Variants in NXN observed in about 807,000 individuals in gnomAD.
NXN encodes the protein nucleoredoxin 1.
NXN carries 16 observed loss-of-function variants against 48.6 expected under a neutral mutation model. The observed-to-expected ratio is 0.33, with a 90% CI of 0.22 to 0.50. The LOEUF (loss-of-function observed/expected upper bound fraction) is 0.50. Among genes scored for constraint, NXN ranks in the 20% least tolerant of loss-of-function variants. The pLI, the probability that NXN is intolerant of heterozygous loss-of-function variation, is 0.98. For missense variants in NXN, 492 were observed against 605.5 expected, an observed-to-expected ratio of 0.81 and a Z score of 1.97; for synonymous variants, 281 against 269.6, an observed-to-expected ratio of 1.04 and a Z score of -0.41.
At chr17:841,455 C>CATCTCACACG in intron 1 of NXN, among the ~76,000 whole-genome samples, 1 of 101,370 alleles carries the variant, frequency 9.9e-6, no homozygotes, top group South Asian at 3.3e-4. Flanking sequence ...CCCCTGACCA[C>CATCTCACACG]GGCGCATCTC....
intron 1 of NXN, among the ~76,000 whole-genome samples, chr17:885,838 G>T (rs1301141644): frequency 7.3e-6 from 1 of 137,690 alleles, no homozygotes; most frequent in Admixed American, 7.5e-5. Context: ...CCGCCACCAC[G>T]CCCGGCTAAT....
chr17:829,230 C>G (rs1408953636), intron 1 of NXN, among the ~76,000 whole-genome samples: 1 of 151,644 alleles, frequency 6.6e-6, no homozygotes, highest in African/African-American at 2.4e-5. Flanking sequence ...GATCTTGGCT[C>G]ACTGCAACCT....
At chr17:881,732 T>C (rs2068286726) in intron 1 of NXN, among the ~76,000 whole-genome samples, 1 of 152,178 alleles carries the variant, frequency 6.6e-6, no homozygotes, top group Admixed American at 6.5e-5. Context: ...ATTGGAAGAA[T>C]GGATACACTG....
intron 5 of NXN, among the ~76,000 whole-genome samples, chr17:808,829 C>G (rs990859615): frequency 1.3e-5 from 2 of 151,446 alleles, no homozygotes; most frequent in Non-Finnish European, 2.9e-5. Context: ...CACCCGCCAC[C>G]ACACCTGGCT....
At chr17:950,181 A>G (rs2069093531) in intron 1 of NXN, among the ~76,000 whole-genome samples, 1 of 152,232 alleles carries the variant, frequency 6.6e-6, no homozygotes, top group African/African-American at 2.4e-5. Context: ...GAGCAGGAGA[A>G]GGAATTCAGA....
chr17:908,608 A>C (rs562555036), intron 1 of NXN, among the ~76,000 whole-genome samples: 1 of 152,322 alleles, frequency 6.6e-6, no homozygotes, highest in East Asian at 1.9e-4. Context: ...TAAACCAAAT[A>C]GTCCACGGCA....
At chr17:885,652 C>A (rs2068336955) in intron 1 of NXN, among the ~76,000 whole-genome samples, 1 of 146,768 alleles carries the variant, frequency 6.8e-6, no homozygotes, top group Admixed American at 6.8e-5. Flanking sequence ...GCCATGCCCA[C>A]CTGGGGGCTG....
chr17:922,359 A>G (rs1472136526), intron 1 of NXN, among the ~76,000 whole-genome samples: 6 of 151,928 alleles, frequency 3.9e-5, no homozygotes, highest in Non-Finnish European at 8.8e-5. Context: ...TAGGAGAATC[A>G]CTTGAACCCG....
intron 1 of NXN, among the ~76,000 whole-genome samples, chr17:909,132 C>A (rs1024747193): frequency 2.7e-5 from 4 of 147,210 alleles, no homozygotes; most frequent in Non-Finnish European, 6.0e-5. Flanking sequence ...AAAAAACACT[C>A]CCTGCCAGCA....
At chr17:847,690 C>T (rs1481041894) in intron 1 of NXN, among the ~76,000 whole-genome samples, 2 of 152,158 alleles carry the variant, frequency 1.3e-5, no homozygotes, top group African/African-American at 2.4e-5. Context: ...CATTCTTTCC[C>T]TCCACCAGCT....
At chr17:948,088 T>A (rs973912441) in intron 1 of NXN, among the ~76,000 whole-genome samples, 10 of 151,790 alleles carry the variant, frequency 6.6e-5, no homozygotes, top group African/African-American at 1.9e-4. Flanking sequence ...AAGAATTTTT[T>A]AAAAAAATGT....
At chr17:900,508 C>A (rs1404549997) in intron 1 of NXN, among the ~76,000 whole-genome samples, 1 of 152,124 alleles carries the variant, frequency 6.6e-6, no homozygotes, top group Non-Finnish European at 1.5e-5. Flanking sequence ...AGGAGGAAAT[C>A]TCTTTCCTCC....
chr17:837,585 C>T (rs149044289), intron 1 of NXN, among the ~76,000 whole-genome samples: 14 of 152,350 alleles, frequency 9.2e-5, no homozygotes, highest in Admixed American at 4.6e-4. Flanking sequence ...TTCATGACCA[C>T]GGCTCCCCCT....
chr17:833,642 G>A (rs1913621274), intron 1 of NXN, among the ~76,000 whole-genome samples: 1 of 152,150 alleles, frequency 6.6e-6, no homozygotes, highest in African/African-American at 2.4e-5. Flanking sequence ...CAAAAAGTCA[G>A]TGTATAAATT....
chr17:869,891 A>G (rs997749993), intron 1 of NXN, among the ~76,000 whole-genome samples: 2 of 152,122 alleles, frequency 1.3e-5, no homozygotes, highest in East Asian at 3.9e-4. Context: ...CCAGAGTAAA[A>G]GGTGGCGTGC....
At chr17:857,971 C>CTTT (rs57517105) in intron 1 of NXN, among the ~76,000 whole-genome samples, 75 of 140,694 alleles carry the variant, frequency 5.3e-4, no homozygotes, top group South Asian at 1.8e-3. Flanking sequence ...AGATATAAAT[C>CTTT]TTTTTTTTTT....
At chr17:946,003 G>C (rs1403853052) in intron 1 of NXN, among the ~76,000 whole-genome samples, 1 of 152,154 alleles carries the variant, frequency 6.6e-6, no homozygotes, top group African/African-American at 2.4e-5. Context: ...CTCTTTCTTG[G>C]CTGCCAGAGA....
In NXN at chr17:830,035, A is replaced by C. The variant is rs1913371349; in HGVS notation, c.361-3957T>G. On this transcript the variant is annotated intron_variant, in intron 1 of 7. Coordinates refer to ENST00000336868, the MANE Select transcript of NXN (RefSeq NM_022463.5). The surrounding 1 kb of genome is among the most constrained non-coding windows in gnomAD (Gnocchi z 4.2). The stretch of plus-strand genomic sequence containing the variant: ...TGGTGTTTTTGGTTCTAGATCCCTG[A>C]GGAATCACCACACTGTCCTCCACAA... Among the ~76,000 whole-genome samples, 1 of 152,186 alleles carries C rather than the reference A, an allele frequency of 6.6e-6. No homozygotes were observed. Among genetic ancestry groups the C allele is most frequent in the South Asian group, 2.1e-4 (1 of 4,820 alleles).
chr17:857,542 G>C (rs1243820525), intron 1 of NXN, among the ~76,000 whole-genome samples: 1 of 152,202 alleles, frequency 6.6e-6, no homozygotes, highest in Non-Finnish European at 1.5e-5. Context: ...TTACAGGTGT[G>C]AGACACCACA....
Sources: gnomAD v4.1 joint callset for allele counts (sites outside exome capture counted in the v4.1 genomes callset) on GRCh38, gnomAD v4.1.1 for gene constraint, Gnocchi (gnomAD v3.1) non-coding constraint, MANE v1.5 for transcripts, NCBI Gene and HGNC (gene_info 2026-07-23, HGNC 2026-07-21) for gene names.